Variants in SPG11 observed in about 807,000 individuals in gnomAD.
The protein encoded by SPG11 is spatacsin.
SPG11 carries 222 observed loss-of-function variants against 274.0 expected under a neutral mutation model. That is an observed-to-expected ratio of 0.81 (90% confidence interval 0.73 to 0.91). The LOEUF is 0.91. Ranked by LOEUF, SPG11 falls within the 40% of genes least tolerant of loss-of-function variation. The pLI is 0.00. For missense variants in SPG11, 3,114 were observed against 2,872.7 expected, an observed-to-expected ratio of 1.08 and a Z score of -1.92; for synonymous variants, 1,144 against 1,039.7, an observed-to-expected ratio of 1.10 and a Z score of -1.93.
Position 44,598,369 on chromosome 15 carries a change from T to G in SPG11, c.3897A>C (p.Glu1299Asp). ...QYSFIRESVA[E>D]KLSKLADGEK... ...CACCATCAGCTAGTTTAGATAGTTT[T>G]TCGGCTGTAAGAAATATAAACAACA... The change falls in exon 23 of 40, where the codon GAA becomes GAC. Residue 1299 changes from glutamate (E) to aspartate (D), a missense_variant. By Grantham distance (45) the Glu-to-Asp change is conservative. Transcript: ENST00000261866. The G allele has an allele frequency of 8.7e-6, 14 of 1,613,690 alleles. 1 individual carries two copies. The highest frequency in any genetic ancestry group is 6.6e-5 in the South Asian group (6 of 91,074).
rs2082711361 is a variant in SPG11 at position 44,584,234 on chromosome 15, C to G, written c.5446G>C (p.Glu1816Gln). 2.5e-6 allele frequency: 4 copies of G among 1,614,204 alleles called. No individual in the cohort carries two copies. Among genetic ancestry groups the G allele is most frequent in the Non-Finnish European group, 3.4e-6 (4 of 1,180,032 alleles). Reference sequence around the variant, plus strand: ...CGAGAAAATCTGGGCTCTGTTTCCTCCTGATTTCTTCCAAGAGTGTGCTGG... The same window carrying G: ...CGAGAAAATCTGGGCTCTGTTTCCTGCTGATTTCTTCCAAGAGTGTGCTGG... Reference protein sequence around the residue: ...ITQHTLGRNQEETEPRFSRQI... With the variant: ...ITQHTLGRNQQETEPRFSRQI... Residue 1816 changes from glutamate to glutamine, a missense_variant, in exon 30 of 40, where the codon GAG becomes CAG. Physicochemically the swap from Glu to Gln is conservative, Grantham distance 29. Transcript: ENST00000261866.
At chr15:44,636,931 AAAAAAAAAAAAAAAAAAAAAAAAAAAC>A (rs1355150279) in intron 7 of SPG11, among the ~76,000 whole-genome samples, 21 of 120,748 alleles carry the variant, frequency 1.7e-4, no homozygotes, top group South Asian at 8.5e-4. Flanking sequence ...ATCTCAAAAA[AAAAAAAAAAAAAAAAAAAAAAAAAAAC>A]AAAAAAAAAA....
chr15:44,658,190 T>C (rs2084994957), intron 3 of SPG11, among the ~76,000 whole-genome samples: 1 of 152,208 alleles, frequency 6.6e-6, no homozygotes, highest in Admixed American at 6.5e-5. Flanking sequence ...TTTATGACAC[T>C]TTTGCAAAAA....
chr15:44,628,798 G>T lies in SPG11; in HGVS notation c.1938C>A (p.Tyr646Ter). 6.2e-7 allele frequency: 1 copy of T among 1,613,618 alleles called. No individual in the cohort carries two copies. The highest frequency in any genetic ancestry group is 8.5e-7 in the Non-Finnish European group (1 of 1,179,948). ...LQKGVNILTS[Y>*]INELRTFMIK... ...TCATGAAGGTTCGAAGTTCATTAAT[G>T]TAGCTAGTCAAAATGTTCACTCCTT... Residue 646 changes from tyrosine (Y) to a stop codon, truncating the protein, a stop_gained, in exon 10 of 40, where the codon TAC becomes TAA. Transcript: ENST00000261866. LOFTEE classifies it high-confidence loss of function.
intron 30 of SPG11, among the ~76,000 whole-genome samples, chr15:44,581,334 G>A (rs527703248): frequency 6.6e-6 from 1 of 152,108 alleles, no homozygotes; most frequent in South Asian, 2.1e-4. Context: ...AGCCCCTCAA[G>A]TAGCTGGGAC....
At chr15:44,655,100 GTTC>G (rs1271577628) in intron 4 of SPG11, among the ~76,000 whole-genome samples, 1 of 152,136 alleles carries the variant, frequency 6.6e-6, no homozygotes, top group African/African-American at 2.4e-5. Context: ...TGTGTGAGCA[GTTC>G]TTCTCTCCAG....
chr15:44,628,939 CTT>C (rs1396228976), intron 9 of SPG11, 95 bp from the exon 10 acceptor site: 3 of 1,294,262 alleles, frequency 2.3e-6, no homozygotes, highest in South Asian at 1.2e-5. Context: ...AAAATTCAAA[CTT>C]GGTATTTTTA....
intron 20 of SPG11, among the ~76,000 whole-genome samples, chr15:44,602,896 G>C (rs1047324854): frequency 3.3e-5 from 5 of 152,082 alleles, no homozygotes; most frequent in African/African-American, 1.2e-4. Flanking sequence ...AAAGGCAATA[G>C]CCAATAACCC....
In SPG11 at chr15:44,608,476, G is replaced by T; in HGVS notation, c.3421C>A (p.Pro1141Thr). 6.2e-7 allele frequency: 1 copy of T among 1,614,100 alleles called. No homozygotes were observed. The highest frequency in any genetic ancestry group is 8.5e-7 in the Non-Finnish European group (1 of 1,180,018). ...AGGTGGTAGATTGTAATATCAGATG[G>T]CAGGACACTAGGAGGAGTGCACTGT... is the stretch of plus-strand genomic sequence containing the variant. ...FPQCTPPSVL[P>T]SDITIYHLIQ... Residue 1141 changes from proline to threonine, a missense_variant, in exon 19 of 40, where the codon CCA becomes ACA. Transcript: ENST00000261866.
intron 4 of SPG11, 127 bp from the exon 5 acceptor site, chr15:44,652,393 A>C (rs920843277): frequency 2.0e-6 from 2 of 979,442 alleles, no homozygotes; most frequent in Non-Finnish European, 3.1e-6. Flanking sequence ...CGCAGAAAGG[A>C]ACTCCTTATC....
intron 25 of SPG11, 134 bp from the exon 26 acceptor site, chr15:44,595,593 C>T: frequency 1.0e-6 from 1 of 989,540 alleles, no homozygotes; most frequent in Non-Finnish European, 1.5e-6. Flanking sequence ...AGCCTTCAAA[C>T]ATGAAACAAA....
rs557233208 is a variant in SPG11 at position 44,657,890 on chromosome 15, G to C, written c.668-594C>G. 9.7e-4 allele frequency among the ~76,000 whole-genome samples: 148 copies of C among 152,324 alleles called. 2 individuals carry two copies. Among genetic ancestry groups the C allele is most frequent in the African/African-American group, 3.4e-3 (142 of 41,574 alleles). Reference sequence around the variant, plus strand: ...AAAGTAACAAAAATTAGCTGGGCGTGGCGGCCCATGCCTATAGTCCCAGCT... The same window carrying C: ...AAAGTAACAAAAATTAGCTGGGCGTCGCGGCCCATGCCTATAGTCCCAGCT... On this transcript the variant is annotated intron_variant, in intron 3 of 39. Coordinates refer to ENST00000261866, the MANE Select transcript of SPG11 (RefSeq NM_025137.4).
chr15:44,577,820 T>TA (rs1158467777), intron 30 of SPG11, among the ~76,000 whole-genome samples: 4 of 151,982 alleles, frequency 2.6e-5, no homozygotes, highest in Non-Finnish European at 5.9e-5. Context: ...ACCTAAGAAC[T>TA]AAGGGCTGAG....
In SPG11 at chr15:44,596,096, G is replaced by A. The variant is rs762518463; in HGVS notation, c.4421C>T (p.Ala1474Val). 9.9e-6 allele frequency: 16 copies of A among 1,613,322 alleles called. No individual in the cohort carries two copies. Among genetic ancestry groups the A allele is most frequent in the Admixed American group, 5.0e-5 (3 of 59,998 alleles). ...KQQAPILSVL[A>V]SCLQGASAIS... Reference sequence around the variant, plus strand: ...CATGATCCTCACCTGGAGACATGAGGCCAGAACACTGAGGATAGGGGCCTG... The same window carrying A: ...CATGATCCTCACCTGGAGACATGAGACCAGAACACTGAGGATAGGGGCCTG... Residue 1474 changes from alanine to valine, a missense_variant, in exon 25 of 40, where the codon GCC becomes GTC. Ala to Val is a moderately conservative substitution (Grantham distance 64, BLOSUM62 0). Coordinates refer to ENST00000261866, the MANE Select transcript of SPG11 (RefSeq NM_025137.4).
chr15:44,656,340 G>A (rs550041461), intron 4 of SPG11, among the ~76,000 whole-genome samples: 1 of 152,330 alleles, frequency 6.6e-6, no homozygotes, highest in Admixed American at 6.5e-5. Flanking sequence ...CAGAAAAAAA[G>A]ATTTCAATCA....
intron 8 of SPG11, among the ~76,000 whole-genome samples, chr15:44,632,038 G>T (rs1321173398): frequency 6.6e-6 from 1 of 151,702 alleles, no homozygotes; most frequent in Admixed American, 6.6e-5. Flanking sequence ...CAAACTCCTG[G>T]GCTCAAGAGA....
intron 15 of SPG11, among the ~76,000 whole-genome samples, chr15:44,619,550 C>G (rs555186062): frequency 1.8e-4 from 28 of 152,236 alleles, no homozygotes; most frequent in African/African-American, 6.7e-4. Context: ...TGATATGAAG[C>G]ACAGGAGACA....
intron 10 of SPG11, 88 bp downstream of exon 10, chr15:44,628,581 T>C: frequency 1.6e-6 from 2 of 1,224,360 alleles, no homozygotes; most frequent in Non-Finnish European, 2.4e-6. Flanking sequence ...ATCACAAGTA[T>C]ATAGAGTCTG....
Position 44,563,226 on chromosome 15 carries a change from G to A in SPG11, c.7227C>T (p.Tyr2409=). 1.2e-6 allele frequency: 2 copies of A among 1,614,014 alleles called. No homozygotes were observed. Among genetic ancestry groups the A allele is most frequent in the Non-Finnish European group, 1.7e-6 (2 of 1,179,882 alleles). ...GTTCGTATGCCAACTTGTAATACAG[G>A]TAAACATCTTCACAATATGTGAGTA... The part of the protein sequence containing the change: ...KKLLTYCEDV[Y]LYYKLAYEHK... The change falls in exon 40 of 40, where the codon TAC becomes TAT. Residue 2409 remains tyrosine, a synonymous_variant. Transcript: ENST00000261866.
Sources: allele counts gnomAD v4.1 joint callset (sites outside exome capture counted in the v4.1 genomes callset), GRCh38; gene constraint gnomAD v4.1.1; transcripts MANE v1.5; gene names NCBI Gene and HGNC (gene_info 2026-07-23, HGNC 2026-07-21).